XKR9: variants seen among roughly 807,000 people sequenced by gnomAD.
XKR9 encodes XK related 9, also known as XK-related protein 9.
A neutral mutation model predicts 32.0 loss-of-function variants in XKR9; 32 were observed. The ratio of observed to expected loss-of-function variants is 1.00; its 90% CI spans 0.76 to 1.34. The LOEUF is 1.34. XKR9 is among the 40% of genes most tolerant of loss of function. XKR9 has a pLI of 0.00. For synonymous variants in XKR9, 168 were observed against 143.4 expected (o/e 1.17, Z -1.22); for missense variants, 546 against 429.7 (o/e 1.27, Z -2.39).
At chr8:70,670,355 C>T (rs761944012) in intron 1 of XKR9, among the ~76,000 whole-genome samples, 12 of 152,222 alleles carry the variant, frequency 7.9e-5, no homozygotes, top group East Asian at 7.7e-4. Flanking sequence ...ATTAACTATC[C>T]AGTGTTAACT....
chr8:70,745,645 C>G (rs1807048261), intron 2 of XKR9, among the ~76,000 whole-genome samples: 1 of 152,152 alleles, frequency 6.6e-6, no homozygotes, highest in Non-Finnish European at 1.5e-5. Context: ...CTTTGAGAAT[C>G]CCCGTTGACT....
chr8:70,905,841 C>G, the XKR9 span, among the ~76,000 whole-genome samples: 1 of 152,184 alleles, frequency 6.6e-6, no homozygotes, highest in Non-Finnish European at 1.5e-5. Flanking sequence ...AATTTTTCTT[C>G]TAACAGTCAA....
chr8:70,882,511 A>G, the XKR9 span, among the ~76,000 whole-genome samples: 7 of 151,864 alleles, frequency 4.6e-5, no homozygotes, highest in Non-Finnish European at 8.8e-5. Flanking sequence ...TTTAATTTAC[A>G]TATGACAAAA....
At chr8:70,776,258 C>T (rs7004499) in intron 2 of XKR9, among the ~76,000 whole-genome samples, 9,305 of 152,176 alleles carry the variant, frequency 0.061, 415 homozygotes, top group Non-Finnish European at 0.089. Flanking sequence ...GGGAGTTATT[C>T]AGATTTTCTG....
chr8:70,706,613 T>G (rs1805725728), intron 3 of XKR9, among the ~76,000 whole-genome samples: 1 of 152,124 alleles, frequency 6.6e-6, no homozygotes, highest in Non-Finnish European at 1.5e-5. Flanking sequence ...CACTCTATCT[T>G]TCTCAGCTTT....
chr8:70,942,436 G>A, the XKR9 span, among the ~76,000 whole-genome samples: 2 of 152,038 alleles, frequency 1.3e-5, no homozygotes, highest in Non-Finnish European at 1.5e-5. Flanking sequence ...ACCTGCCTTG[G>A]TAACCAAAAA....
At chr8:70,981,282 T>C in the XKR9 span, among the ~76,000 whole-genome samples, 1 of 152,330 alleles carries the variant, frequency 6.6e-6, no homozygotes, top group South Asian at 2.1e-4. Flanking sequence ...CAGTTATTCT[T>C]AGGTTTGGAT....
chr8:70,700,834 C>T (rs1008953503), intron 3 of XKR9, among the ~76,000 whole-genome samples: 2 of 152,220 alleles, frequency 1.3e-5, no homozygotes, highest in African/African-American at 4.8e-5. Flanking sequence ...GTGCTGGGCT[C>T]CACGCAGTTT....
At chr8:70,963,947 G>A in the XKR9 span, among the ~76,000 whole-genome samples, 33 of 152,106 alleles carry the variant, frequency 2.2e-4, no homozygotes, top group African/African-American at 7.7e-4. Flanking sequence ...TTCTTTTGGT[G>A]TGCAGAAGCT....
At chr8:70,769,560 A>C (rs1388046999) in intron 2 of XKR9, among the ~76,000 whole-genome samples, 2 of 152,088 alleles carry the variant, frequency 1.3e-5, no homozygotes, top group African/African-American at 2.4e-5. Flanking sequence ...TCTCCCCATC[A>C]GTTTCAGGTA....
chr8:70,988,982 G>A, the XKR9 span, among the ~76,000 whole-genome samples: 1 of 152,184 alleles, frequency 6.6e-6, no homozygotes, highest in African/African-American at 2.4e-5. Context: ...ATTACAGCAT[G>A]TGACAGGATT....
intron 4 of XKR9, among the ~76,000 whole-genome samples, chr8:70,708,761 A>C (rs1586841207): frequency 6.6e-6 from 1 of 152,144 alleles, no homozygotes; most frequent in South Asian, 2.1e-4. Flanking sequence ...TATAGTAACT[A>C]TGTATAAAAT....
the XKR9 span, among the ~76,000 whole-genome samples, chr8:70,997,563 T>TG: frequency 1.5e-4 from 23 of 151,210 alleles, no homozygotes; most frequent in African/African-American, 5.6e-4. Flanking sequence ...AGCTAAGCTA[T>TG]GAGGATGTAA....
intron 2 of XKR9, among the ~76,000 whole-genome samples, chr8:70,770,221 T>G (rs1807435752): frequency 6.6e-6 from 1 of 152,114 alleles, no homozygotes; most frequent in Non-Finnish European, 1.5e-5. Context: ...TCAGCTGGAG[T>G]TTGCTGGAGG....
intron 2 of XKR9, among the ~76,000 whole-genome samples, chr8:70,754,163 C>T (rs1419654858): frequency 3.4e-5 from 5 of 148,070 alleles, no homozygotes; most frequent in African/African-American, 1.2e-4. Context: ...CTCCCATTCA[C>T]AATTGCTACA....
At chr8:70,821,144 AAT>A in the XKR9 span, among the ~76,000 whole-genome samples, 3 of 152,226 alleles carry the variant, frequency 2.0e-5, no homozygotes, top group Non-Finnish European at 4.4e-5. Context: ...ACCCATTACA[AAT>A]GGGAGAAATT....
chr8:70,966,633 G>T, the XKR9 span, among the ~76,000 whole-genome samples: 1 of 152,144 alleles, frequency 6.6e-6, no homozygotes, highest in Admixed American at 6.5e-5. Flanking sequence ...TATCTATCAG[G>T]TCTGCTTGAT....
the XKR9 span, among the ~76,000 whole-genome samples, chr8:70,989,252 A>G: frequency 6.6e-6 from 1 of 152,226 alleles, no homozygotes; most frequent in Non-Finnish European, 1.5e-5. Context: ...TCCCCAAATT[A>G]TTTGCAAAAA....
rs139514087 is a variant in XKR9 at position 70,734,111 on chromosome 8, T to G, written c.809T>G (p.Ile270Ser). ...TTATATAGGATTGTTGTTGGATTCATTCTTATCTTTACATTTTTTAATATT... is the reference window on the plus strand; with the variant it reads ...TTATATAGGATTGTTGTTGGATTCAGTCTTATCTTTACATTTTTTAATATT... ...EFLYRIVVGFILIFTFFNIKG... is the reference protein window; with the variant it reads ...EFLYRIVVGFSLIFTFFNIKG... The change falls in exon 5 of 5, where the codon ATT becomes AGT. Residue 270 changes from isoleucine (I) to serine (S), a missense_variant. Coordinates refer to ENST00000408926, the MANE Select transcript of XKR9 (RefSeq NM_001011720.2). 3.1e-6 allele frequency: 5 copies of G among 1,612,522 alleles called. No individual in the cohort carries two copies. The African/African-American group carries it at 5.3e-5, about 17-fold the overall frequency.
Sources: gnomAD v4.1 joint callset for allele counts (sites outside exome capture counted in the v4.1 genomes callset) on GRCh38, gnomAD v4.1.1 for gene constraint, MANE v1.5 for transcripts, NCBI Gene and HGNC (gene_info 2026-07-23, HGNC 2026-07-21) for gene names.